MLLT10: variants seen among roughly 807,000 people sequenced by gnomAD.
The protein encoded by MLLT10 is MLLT10 histone lysine methyltransferase DOT1L cofactor, also known as protein AF-10.
Under a neutral mutation model 129.1 loss-of-function variants are expected in MLLT10, and 30 were observed. That is an observed-to-expected ratio of 0.23 (90% confidence interval 0.17 to 0.32). MLLT10 has a LOEUF of 0.32. MLLT10 is among the 10% of genes least tolerant of loss of function. The probability of loss-of-function intolerance (pLI) is 1.00; values close to 1 mark genes in which losing one functional copy is unlikely to be tolerated. For missense variants in MLLT10, 1,119 were observed against 1,268.3 expected (o/e 0.88, Z 1.79); for synonymous variants, 490 against 446.4 (o/e 1.10, Z -1.23).
At chr10:21,699,792 T>TACTGTAGC (rs2054727636) in intron 13 of MLLT10, among the ~76,000 whole-genome samples, 1 of 152,202 alleles carries the variant, frequency 6.6e-6, no homozygotes, top group African/African-American at 2.4e-5. Flanking sequence ...TTGTAATATA[T>TACTGTAGC]TTTGAAGTGA....
At chr10:21,732,677 A>G (rs1364687149) in intron 17 of MLLT10, among the ~76,000 whole-genome samples, 2 of 152,236 alleles carry the variant, frequency 1.3e-5, no homozygotes, top group African/African-American at 4.8e-5. Flanking sequence ...TCCAGAAGGT[A>G]CATCCAGGAA....
intron 3 of MLLT10, among the ~76,000 whole-genome samples, chr10:21,539,412 CTT>C (rs370995933): frequency 2.6e-3 from 309 of 120,542 alleles, no homozygotes; most frequent in African/African-American, 4.9e-3. Context: ...ACATAAAAAT[CTT>C]TTTTTTTTTT....
chr10:21,618,376 G>C (rs552333043), intron 8 of MLLT10, among the ~76,000 whole-genome samples: 441 of 151,850 alleles, frequency 2.9e-3, no homozygotes, highest in South Asian at 5.2e-3. Context: ...GGTGGTGGTT[G>C]TTTGTAATCC....
At chr10:21,713,005 C>G (rs892685931) in intron 13 of MLLT10, among the ~76,000 whole-genome samples, 7 of 152,192 alleles carry the variant, frequency 4.6e-5, no homozygotes, top group Non-Finnish European at 1.0e-4. Flanking sequence ...CACCATTTCC[C>G]ACCTTATTTC....
intron 3 of MLLT10, among the ~76,000 whole-genome samples, chr10:21,559,098 T>C (rs974316928): frequency 6.6e-6 from 1 of 152,136 alleles, no homozygotes; most frequent in Non-Finnish European, 1.5e-5. Flanking sequence ...TCTTCTTTCT[T>C]TTTGAGACAG....
chr10:21,725,875 C>T (rs1053637467), intron 14 of MLLT10, among the ~76,000 whole-genome samples: 14 of 151,512 alleles, frequency 9.2e-5, no homozygotes, highest in Non-Finnish European at 1.6e-4. Flanking sequence ...CTCAGCCTCC[C>T]GAGTAGCTGG....
At chr10:21,612,654 C>A (rs1015049726) in intron 6 of MLLT10, among the ~76,000 whole-genome samples, 25 of 152,114 alleles carry the variant, frequency 1.6e-4, no homozygotes, top group Non-Finnish European at 2.4e-4. Flanking sequence ...TAAGTGGACT[C>A]TGGTTCTGAT....
chr10:21,715,435 C>G (rs2131521906), intron 14 of MLLT10, among the ~76,000 whole-genome samples: 1 of 152,220 alleles, frequency 6.6e-6, no homozygotes, highest in African/African-American at 2.4e-5. Flanking sequence ...GTAGCCATAA[C>G]AGGGGTTTGG....
intron 3 of MLLT10, among the ~76,000 whole-genome samples, chr10:21,549,170 C>G (rs1297992690): frequency 6.9e-6 from 1 of 145,258 alleles, no homozygotes. Flanking sequence ...GTCACCCTGG[C>G]TGGAGTGCAG....
At chr10:21,639,076 T>A (rs532109937) in intron 8 of MLLT10, among the ~76,000 whole-genome samples, 1 of 152,340 alleles carries the variant, frequency 6.6e-6, no homozygotes, top group African/African-American at 2.4e-5. Flanking sequence ...TTAATTTTCC[T>A]CTTCTAAATA....
At chr10:21,570,235 TGC>T (rs567250440) in intron 3 of MLLT10, among the ~76,000 whole-genome samples, 1 of 148,920 alleles carries the variant, frequency 6.7e-6, no homozygotes. Context: ...TGTGTGTGTG[TGC>T]GCGCGTGTGT....
rs532074150 is a variant in MLLT10 at position 21,628,955 on chromosome 10, G to A, written c.699+11748G>A. Among the ~76,000 whole-genome samples the A allele has an allele frequency of 7.9e-5, 12 of 151,712 alleles. No individual in the cohort carries two copies. The South Asian group carries it at 2.5e-3, about 32-fold the overall frequency. The stretch of plus-strand genomic sequence containing the variant: ...GTGGAGACGGGGTTTCACCATGTTG[G>A]CCAGGCTGGTCTTGAACTTGTGACC... On this transcript the variant is annotated intron_variant, in intron 8 of 22. Coordinates refer to ENST00000307729, the MANE Select transcript of MLLT10 (RefSeq NM_001195626.3).
intron 9 of MLLT10, among the ~76,000 whole-genome samples, chr10:21,653,765 T>TA (rs1169368773): frequency 1.3e-5 from 2 of 152,200 alleles, no homozygotes; most frequent in African/African-American, 4.8e-5. Context: ...TCTGAGTAGA[T>TA]ATGCTGACTA....
At chr10:21,694,188 C>T (rs1252084039) in intron 13 of MLLT10, among the ~76,000 whole-genome samples, 8 of 152,188 alleles carry the variant, frequency 5.3e-5, no homozygotes, top group African/African-American at 1.7e-4. Flanking sequence ...CAAGGACATT[C>T]TCCTACAATA....
intron 6 of MLLT10, among the ~76,000 whole-genome samples, chr10:21,613,348 C>T (rs530707216): frequency 1.3e-5 from 2 of 152,190 alleles, no homozygotes; most frequent in South Asian, 4.1e-4. Context: ...TCAGTCTATG[C>T]TTCACTGCCA....
At chr10:21,610,177 T>C (rs150924596) in intron 5 of MLLT10, among the ~76,000 whole-genome samples, 1 of 152,328 alleles carries the variant, frequency 6.6e-6, no homozygotes, top group Non-Finnish European at 1.5e-5. Context: ...ATAATTAATA[T>C]GGAACTTTCC....
chr10:21,659,343 C>T (rs2049933490), intron 9 of MLLT10, among the ~76,000 whole-genome samples: 1 of 152,012 alleles, frequency 6.6e-6, no homozygotes, highest in African/African-American at 2.4e-5. Context: ...ACATTGCAAC[C>T]CTTCTTCTCT....
chr10:21,552,297 C>T (rs914391295), intron 3 of MLLT10, among the ~76,000 whole-genome samples: 1 of 149,934 alleles, frequency 6.7e-6, no homozygotes. Flanking sequence ...TTTTTTTCCT[C>T]TGTGATTAAT....
intron 8 of MLLT10, chr10:21,624,898 C>T: frequency 1.6e-6 from 2 of 1,251,850 alleles, no homozygotes; most frequent in South Asian, 1.4e-5. Context: ...AAAGGTGCCC[C>T]CTTTTGTGAA....
Sources: allele counts gnomAD v4.1 joint callset (sites outside exome capture counted in the v4.1 genomes callset), GRCh38; gene constraint gnomAD v4.1.1; transcripts MANE v1.5; gene names NCBI Gene and HGNC (gene_info 2026-07-23, HGNC 2026-07-21).